STAB1: variants seen among roughly 807,000 people sequenced by gnomAD.
STAB1 encodes the protein stabilin 1, also known as stabilin-1.
Under a neutral mutation model 332.4 loss-of-function variants are expected in STAB1, and 250 were observed. That is an observed-to-expected ratio of 0.75 (90% CI 0.68 to 0.84). STAB1 has a LOEUF of 0.84. Ranked by LOEUF, STAB1 falls within the 40% of genes least tolerant of loss-of-function variation. STAB1 has a pLI of 0.00. For missense variants in STAB1, 3,249 were observed against 3,489.7 expected (o/e 0.93, Z 1.74); for synonymous variants, 1,475 against 1,390.4 (o/e 1.06, Z -1.35).
At chr3:52,519,459 C>G (rs1318256360) in intron 49 of STAB1, 46 bp from the exon 50 acceptor site, 2 of 1,612,206 alleles carry the variant, frequency 1.2e-6, no homozygotes. Flanking sequence ...GGCCTGGGAT[C>G]CTCCCTTCCC....
chr3:52,522,835 GT>G lies in STAB1; in HGVS notation c.6809del (p.Phe2270SerfsTer13). ...CAATGGCTCCACTGCCCACCCTGTGGTTTTCCCTGTGGCGGACTGTGGCAAT... is the reference window on the plus strand; with the variant it reads ...CAATGGCTCCACTGCCCACCCTGTGGTTTCCCTGTGGCGGACTGTGGCAAT... ...LANGSTAHPV[V>X]FPVADCGNGR... On this transcript the variant is annotated frameshift_variant, in exon 62 of 69. Coordinates refer to ENST00000321725, the MANE Select transcript of STAB1 (RefSeq NM_015136.3). LOFTEE classifies it high-confidence loss of function. The G allele has an allele frequency of 6.2e-7, 1 of 1,613,334 alleles. No individual in the cohort carries two copies. Among genetic ancestry groups the G allele is most frequent in the Non-Finnish European group, 8.5e-7 (1 of 1,180,032 alleles).
chr3:52,512,311 A>G, intron 26 of STAB1, 30 bp from the exon 27 acceptor site: 1 of 1,606,806 alleles, frequency 6.2e-7, no homozygotes, highest in Non-Finnish European at 8.5e-7. Flanking sequence ...TCTGGTTCTG[A>G]ATGGAGGCCC....
intron 41 of STAB1, 43 bp downstream of exon 41, chr3:52,516,811 G>A (rs770998739): frequency 3.1e-6 from 5 of 1,595,340 alleles, no homozygotes; most frequent in Non-Finnish European, 4.3e-6. Flanking sequence ...GAAATTTTGG[G>A]GTGGCTGTCC....
Position 52,504,784 on chromosome 3 carries a change from C to T in STAB1, c.1285C>T (p.Gln429Ter). The change falls in exon 12 of 69, where the codon CAG becomes TAG. Residue 429 changes from glutamine to a stop codon, truncating the protein, a stop_gained. Transcript: ENST00000321725. LOFTEE classifies it high-confidence loss of function. ...QLCRQHIIAG[Q>*]HILEDTRTQQ... ...CTGTAGACAGCACATCATCGCAGGG[C>T]AGCACATCCTGGAGGACACAAGGAC... 6.2e-7 allele frequency: 1 copy of T among 1,613,912 alleles called. No individual in the cohort carries two copies. Among genetic ancestry groups the T allele is most frequent in the Non-Finnish European group, 8.5e-7 (1 of 1,180,024 alleles).
At chr3:52,521,231 G>T in intron 55 of STAB1, 130 bp from the exon 56 acceptor site, 1 of 1,356,860 alleles carries the variant, frequency 7.4e-7, no homozygotes, top group Non-Finnish European at 1.0e-6. Flanking sequence ...CCAGGACATG[G>T]GCCTGGAGGG....
chr3:52,516,700 A>G lies in STAB1; in HGVS notation c.4295A>G (p.Gln1432Arg), dbSNP rs774044074. The change falls in exon 41 of 69, where the codon CAG (glutamine) becomes CGG (arginine). Residue 1432 changes from glutamine (Q) to arginine (R), a missense_variant. Transcript: ENST00000321725. Reference sequence around the variant, plus strand: ...GCTACCACCCCTCCCAGCTGCGTGCAGGACTCGGCCGGAGCCTCCACCTGC... The same window carrying G: ...GCTACCACCCCTCCCAGCTGCGTGCGGGACTCGGCCGGAGCCTCCACCTGC... ...RKCDPNANCV[Q>R]DSAGASTCAC... 6.2e-7 allele frequency: 1 copy of G among 1,612,358 alleles called. No individual in the cohort carries two copies. The highest frequency in any genetic ancestry group is 2.2e-5 in the East Asian group (1 of 44,876).
At position 52,510,365 on chromosome 3, in the gene STAB1, G is replaced by T. The variant is rs549874344; in HGVS notation, c.2645G>T (p.Gly882Val). ...GCSENAECVP[G>V]SLGTHHCTCH... ...CTCTCACAGGCTGAGTGTGTCCCTGGGTCCCTGGGCACCCACCACTGCACA... is the reference window on the plus strand; with the variant it reads ...CTCTCACAGGCTGAGTGTGTCCCTGTGTCCCTGGGCACCCACCACTGCACA... The change falls in exon 25 of 69, where the codon GGG becomes GTG. Residue 882 changes from glycine (G) to valine (V), a missense_variant. Physicochemically the swap from Gly to Val is moderately radical, Grantham distance 109. Transcript: ENST00000321725. 1.6e-5 allele frequency: 26 copies of T among 1,613,998 alleles called. No homozygotes were observed. The highest frequency in any genetic ancestry group is 1.3e-4 in the Admixed American group (8 of 60,024).
At position 52,507,886 on chromosome 3, in the gene STAB1, C is replaced by T. The variant is rs376709792; in HGVS notation, c.2053-45C>T. ...CAGGGCTGCCTAGCAAAGGGGCTGG[C>T]CCAGAACCCACACCCACTGACTGGC... is the stretch of plus-strand genomic sequence containing the variant. On this transcript the variant is annotated intron_variant, in intron 19 of 68. Coordinates refer to ENST00000321725, the MANE Select transcript of STAB1 (RefSeq NM_015136.3). The T allele has an allele frequency of 6.0e-5, 95 of 1,581,364 alleles. No homozygotes were observed. The African/African-American group carries it at 1.1e-3, about 19-fold the overall frequency.
chr3:52,519,049 C>G (rs909542871), intron 48 of STAB1, among the ~76,000 whole-genome samples, 180 bp downstream of exon 48: 3 of 152,122 alleles, frequency 2.0e-5, no homozygotes, highest in Non-Finnish European at 4.4e-5. Context: ...CTGCTGTGGG[C>G]CTGTCCTGCC....
intron 5 of STAB1, 63 bp from the exon 6 acceptor site, chr3:52,502,569 C>T (rs942840709): frequency 1.5e-5 from 21 of 1,409,202 alleles, no homozygotes; most frequent in African/African-American, 9.9e-5. Context: ...AGCAGGGACC[C>T]GATGTCCCAG....
intron 1 of STAB1, among the ~76,000 whole-genome samples, chr3:52,499,110 A>T (rs770097023): frequency 6.6e-5 from 10 of 152,148 alleles, no homozygotes; most frequent in Non-Finnish European, 1.5e-4. Context: ...CTCCCTTTGG[A>T]CCACAGTGTG....
intron 21 of STAB1, 185 bp downstream of exon 21, chr3:52,508,544 A>T: frequency 1.5e-6 from 1 of 658,054 alleles, no homozygotes; most frequent in Non-Finnish European, 2.8e-6. Flanking sequence ...TAGAGAGGCC[A>T]GGTGCAATGT....
rs202225385 is a variant in STAB1, at chr3:52,510,479, C to T, written c.2759C>T (p.Ala920Val). ...LDMRGGCHTD[A>V]LCSYVGPGQS... ...ATGAGAGGTGGCTGCCACACCGATG[C>T]CCTCTGCAGCTATGTGGGCCCCGGG... Residue 920 changes from alanine to valine, a missense_variant, in exon 25 of 69, where the codon GCC becomes GTC. Coordinates refer to ENST00000321725, the MANE Select transcript of STAB1 (RefSeq NM_015136.3). 1.2e-6 allele frequency: 2 copies of T among 1,613,450 alleles called. No individual in the cohort carries two copies. The highest frequency in any genetic ancestry group is 8.5e-7 in the Non-Finnish European group (1 of 1,179,938).
At position 52,504,066 on chromosome 3, in the gene STAB1, C is replaced by A. The variant is rs1708660551; in HGVS notation, c.1061C>A (p.Ala354Asp). ...GAAAGCGAGGTGGGGGATGGGCGTG[C>A]CTGCTACGGACACCTGCTCCACGAG... ...CRESEVGDGRACYGHLLHEVQ... is the reference protein window; with the variant it reads ...CRESEVGDGRDCYGHLLHEVQ... Residue 354 changes from alanine (A) to aspartate (D), a missense_variant, in exon 10 of 69, where the codon GCC becomes GAC. By Grantham distance (126) the Ala-to-Asp change is moderately radical. Transcript: ENST00000321725. 1.3e-6 allele frequency: 2 copies of A among 1,587,796 alleles called. No individual in the cohort carries two copies. Among genetic ancestry groups the A allele is most frequent in the Non-Finnish European group, 1.7e-6 (2 of 1,167,118 alleles).
In STAB1 at chr3:52,514,153, C is replaced by G; in HGVS notation, c.3486C>G (p.Ala1162=). Residue 1162 remains alanine, a synonymous_variant, in exon 33 of 69, where the codon GCC becomes GCG. Coordinates refer to ENST00000321725, the MANE Select transcript of STAB1 (RefSeq NM_015136.3). ...TGCCCCAGATTGAGGCTGCCACTGCCTACACCATCTTTGTGCCCACCAACC... is the reference window on the plus strand; with the variant it reads ...TGCCCCAGATTGAGGCTGCCACTGCGTACACCATCTTTGTGCCCACCAACC... ...GLVPQIEAAT[A]YTIFVPTNRS... is the part of the protein sequence containing the mutation. 1 of 1,613,450 alleles carries G rather than the reference C, an allele frequency of 6.2e-7. No homozygotes were observed. The highest frequency in any genetic ancestry group is 8.5e-7 in the Non-Finnish European group (1 of 1,180,004).
rs1416151847 is a variant in STAB1, at chr3:52,512,425, G to A, written c.2968G>A (p.Asp990Asn). ...FGGDGFSCYG[D>N]IFRELEANAH... ...GGGTGATGGCTTCAGCTGTTATGGA[G>A]ACATCTTCCGGGTAAGGGGTGCTCA... Residue 990 changes from aspartate (D) to asparagine (N), a missense_variant, in exon 27 of 69, where the codon GAC (aspartate) becomes AAC (asparagine). Physicochemically the swap from Asp to Asn is conservative, Grantham distance 23. Coordinates refer to ENST00000321725, the MANE Select transcript of STAB1 (RefSeq NM_015136.3). The A allele has an allele frequency of 1.2e-6, 2 of 1,610,420 alleles. No individual in the cohort carries two copies. Among genetic ancestry groups the A allele is most frequent in the South Asian group, 1.1e-5 (1 of 90,864 alleles).
At position 52,519,925 on chromosome 3, in the gene STAB1, C is replaced by T. The variant is rs983431421; in HGVS notation, c.5236-19C>T. 6.4e-7 allele frequency: 1 copy of T among 1,555,098 alleles called. No homozygotes were observed. The highest frequency in any genetic ancestry group is 2.3e-5 in the East Asian group (1 of 44,264). On this transcript the variant is annotated intron_variant, in intron 50 of 68. Coordinates refer to ENST00000321725, the MANE Select transcript of STAB1 (RefSeq NM_015136.3). ...TCTGACTGGGCAGCGACTGCCACAT[C>T]TTTGCTGCACCCCACCAGGTGGCCG...
At position 52,523,238 on chromosome 3, in the gene STAB1, C is replaced by T. The variant is rs2079139908; in HGVS notation, c.7037C>T (p.Ala2346Val). ...STFYGMLLGY[A>V]NATQRGLDFL... ...CCGTGCCAGATGCTATTGGGCTATG[C>T]CAATGCCACCCAGCGGGGTCTCGAC... Residue 2346 changes from alanine to valine, a missense_variant, in exon 64 of 69, where the codon GCC (alanine) becomes GTC (valine). Coordinates refer to ENST00000321725, the MANE Select transcript of STAB1 (RefSeq NM_015136.3). 6.2e-7 allele frequency: 1 copy of T among 1,613,226 alleles called. No individual in the cohort carries two copies. The highest frequency in any genetic ancestry group is 1.6e-4 in the Middle Eastern group (1 of 6,062).
chr3:52,520,377 T>A (rs1489450898), intron 52 of STAB1, 23 bp from the exon 53 acceptor site: 1 of 1,612,718 alleles, frequency 6.2e-7, no homozygotes, highest in Non-Finnish European at 8.5e-7. Flanking sequence ...GACCCTTGCA[T>A]ACCTCATATT....
Sources: allele counts gnomAD v4.1 joint callset (sites outside exome capture counted in the v4.1 genomes callset), GRCh38; gene constraint gnomAD v4.1.1; transcripts MANE v1.5; gene names NCBI Gene and HGNC (gene_info 2026-07-23, HGNC 2026-07-21).